Variants in LMX1B observed in about 807,000 individuals in gnomAD.
LMX1B encodes LIM homeobox transcription factor 1 beta, also known as LIM homeobox transcription factor 1-beta.
In LMX1B, 12 loss-of-function variants were observed where a neutral mutation model predicts 51.4. The observed-to-expected ratio is 0.23, with a 90% confidence interval of 0.15 to 0.38. The LOEUF is 0.38. Among genes scored for constraint, LMX1B ranks in the 10% least tolerant of loss-of-function variants. The probability of loss-of-function intolerance (pLI) is 1.00; values close to 1 mark genes in which losing one functional copy is unlikely to be tolerated. For missense variants in LMX1B, 445 were observed against 571.1 expected (o/e 0.78, Z 2.25); for synonymous variants, 237 against 235.4 (o/e 1.01, Z -0.06).
rs1306156374 is a variant in LMX1B, at chr9:126,615,054, T to G, written c.140-329T>G. 6.6e-6 allele frequency among the ~76,000 whole-genome samples: 1 copy of G among 151,624 alleles called. No individual in the cohort carries two copies. The highest frequency in any genetic ancestry group is 1.5e-5 in the Non-Finnish European group (1 of 67,886). On this transcript the variant is annotated intron_variant, in intron 1 of 7. Coordinates refer to ENST00000373474, the MANE Select transcript of LMX1B (RefSeq NM_001174147.2). This position sits in a 1 kb window ranked among gnomAD's most constrained non-coding sequence, Gnocchi z 6.0. ...AGCCAGCGAGCGCCCCAGCCTCACC[T>G]CGCCTGTCTTGGTCCCAGCCGGCCA...
rs140215181 is a variant in LMX1B, at chr9:126,658,861, C to A, written c.327-31975C>A. Among the ~76,000 whole-genome samples, 4 of 152,284 alleles carry A rather than the reference C, an allele frequency of 2.6e-5. No homozygotes were observed. Among genetic ancestry groups the A allele is most frequent in the Non-Finnish European group, 5.9e-5 (4 of 68,010 alleles). ...CCTTGCCTGTATCAGGCCTGGTTTG[C>A]TGTGGAGAGAAGGAGGACTTCCTGG... On this transcript the variant is annotated intron_variant, in intron 2 of 7. Transcript: ENST00000373474. This position sits in a 1 kb window ranked among gnomAD's most constrained non-coding sequence, Gnocchi z 4.0.
intron 2 of LMX1B, among the ~76,000 whole-genome samples, chr9:126,652,304 G>GGT (rs1554724864): frequency 1.3e-5 from 2 of 148,824 alleles, no homozygotes; most frequent in African/African-American, 4.9e-5. Context: ...GAAGGGGGGG[G>GGT]GGATTTTCTC....
At chr9:126,654,912 C>A (rs1248364251) in intron 2 of LMX1B, among the ~76,000 whole-genome samples, 1 of 152,214 alleles carries the variant, frequency 6.6e-6, no homozygotes, top group South Asian at 2.1e-4. Context: ...TGGACCTGGG[C>A]TCCCAGCCCC....
rs375257159 is a variant in LMX1B, at chr9:126,651,647, G to A, written c.326+36078G>A. ...GCCTGACCCCTCTCCCCTGGGCCCC[G>A]CTCCTCTCCTGAGGCCGACTCAGTT... On this transcript the variant is annotated intron_variant, in intron 2 of 7. Coordinates refer to ENST00000373474, the MANE Select transcript of LMX1B (RefSeq NM_001174147.2). Among the ~76,000 whole-genome samples the A allele has an allele frequency of 7.6e-4, 115 of 152,178 alleles. 1 individual carries two copies. The East Asian group carries it at 0.02, about 27-fold the overall frequency.
rs1352299200 is a variant in LMX1B at position 126,697,921 on chromosome 9, GC to G, written c.*1471del. The G allele has an allele frequency of 1.9e-5, 3 of 157,346 alleles. No homozygotes were observed. The highest frequency in any genetic ancestry group is 7.2e-5 in the African/African-American group (3 of 41,482). 9.7% of individuals were successfully genotyped at this position (157,346 alleles called of 1,614,324 possible). On this transcript the variant is annotated 3_prime_UTR_variant, in exon 8 of 8. Coordinates refer to ENST00000373474, the MANE Select transcript of LMX1B (RefSeq NM_001174147.2). ...ACGGAGTTTCGCTCTTGTTGCCCAG[GC>G]TGGAGTGCAATGGCGCGATCTCGGC...
In LMX1B at chr9:126,693,260, C is replaced by T. The variant is rs1371328129; in HGVS notation, c.678C>T (p.Leu226=). ...GGCCCAAGCGACCCCGGACCATCCTCACCACGCAGCAGCGAAGAGCCTTCA... is the reference window on the plus strand; with the variant it reads ...GGCCCAAGCGACCCCGGACCATCCTTACCACGCAGCAGCGAAGAGCCTTCA... ...PRRPKRPRTI[L]TTQQRRAFKA... is the part of the protein sequence containing the mutation. Residue 226 remains leucine, a synonymous_variant, in exon 4 of 8, where the codon CTC becomes CTT. Transcript: ENST00000373474. The T allele has an allele frequency of 1.9e-6, 3 of 1,611,778 alleles. No individual in the cohort carries two copies. Among genetic ancestry groups the T allele is most frequent in the East Asian group, 2.2e-5 (1 of 44,794 alleles).
intron 2 of LMX1B, among the ~76,000 whole-genome samples, chr9:126,624,240 CTT>C (rs1461435574): frequency 6.6e-6 from 1 of 152,220 alleles, no homozygotes; most frequent in Non-Finnish European, 1.5e-5. Context: ...CGGGGGCTCT[CTT>C]GGGCTGGGGT....
chr9:126,690,977 C>G lies in LMX1B; in HGVS notation c.468C>G (p.Phe156Leu). ...GGCAGCTACGCAAGGGCGACGAATT[C>G]GTGCTCAAGGAGGGCCAGCTGCTGT... ...CERQLRKGDE[F>L]VLKEGQLLCK... is the part of the protein sequence containing the mutation. Residue 156 changes from phenylalanine (F) to leucine (L), a missense_variant, in exon 3 of 8, where the codon TTC (phenylalanine) becomes TTG (leucine). Physicochemically the swap from Phe to Leu is conservative, Grantham distance 22. Coordinates refer to ENST00000373474, the MANE Select transcript of LMX1B (RefSeq NM_001174147.2). 6.2e-7 allele frequency: 1 copy of G among 1,614,034 alleles called. No homozygotes were observed. Among genetic ancestry groups the G allele is most frequent in the South Asian group, 1.1e-5 (1 of 91,072 alleles).
At chr9:126,656,856 G>A (rs988861719) in intron 2 of LMX1B, among the ~76,000 whole-genome samples, 2 of 152,214 alleles carry the variant, frequency 1.3e-5, no homozygotes, top group African/African-American at 4.8e-5. Flanking sequence ...CCAGTCCATG[G>A]CCATCAAAAA....
At chr9:126,619,654 A>C (rs1238419967) in intron 2 of LMX1B, among the ~76,000 whole-genome samples, 4 of 152,106 alleles carry the variant, frequency 2.6e-5, no homozygotes, top group Non-Finnish European at 5.9e-5. Flanking sequence ...CTCTCCATTT[A>C]ACCCCGGCAC....
At chr9:126,668,935 G>A (rs1771697095) in intron 2 of LMX1B, among the ~76,000 whole-genome samples, 1 of 152,200 alleles carries the variant, frequency 6.6e-6, no homozygotes, top group Admixed American at 6.5e-5. Context: ...AAAGCATGCC[G>A]CACTTGCCCT....
intron 2 of LMX1B, among the ~76,000 whole-genome samples, chr9:126,636,576 G>C (rs1021312671): frequency 2.1e-4 from 32 of 152,104 alleles, no homozygotes; most frequent in Non-Finnish European, 1.5e-4. Flanking sequence ...ATTGCAAGGG[G>C]AGGTGGGGGG....
At chr9:126,630,002 T>C (rs558125774) in intron 2 of LMX1B, among the ~76,000 whole-genome samples, 3 of 151,970 alleles carry the variant, frequency 2.0e-5, no homozygotes, top group Non-Finnish European at 2.9e-5. Context: ...AAAAATTAGC[T>C]GGGCGTCATG....
At chr9:126,636,692 C>T (rs879524058) in intron 2 of LMX1B, among the ~76,000 whole-genome samples, 3 of 152,084 alleles carry the variant, frequency 2.0e-5, no homozygotes, top group Non-Finnish European at 2.9e-5. Flanking sequence ...TACACGTGTG[C>T]GTAGGTGTGT....
intron 2 of LMX1B, among the ~76,000 whole-genome samples, chr9:126,650,589 G>T (rs776039850): frequency 6.6e-6 from 1 of 152,226 alleles, no homozygotes; most frequent in East Asian, 1.9e-4. Context: ...TAATGACACC[G>T]GAGGGCAGCG....
At chr9:126,639,465 C>G (rs565634266) in intron 2 of LMX1B, among the ~76,000 whole-genome samples, 2 of 152,366 alleles carry the variant, frequency 1.3e-5, no homozygotes, top group East Asian at 3.9e-4. Context: ...CCACTGGGCT[C>G]GGGCTGGAGG....
At chr9:126,659,827 C>T (rs1836193266) in intron 2 of LMX1B, among the ~76,000 whole-genome samples, 1 of 151,736 alleles carries the variant, frequency 6.6e-6, no homozygotes, top group Non-Finnish European at 1.5e-5. Flanking sequence ...TCTACACAGG[C>T]CTTGGAGATT....
In LMX1B at chr9:126,695,604, G is replaced by A. The variant is rs1431495341; in HGVS notation, c.887-235G>A. 1.3e-5 allele frequency among the ~76,000 whole-genome samples: 2 copies of A among 152,182 alleles called. No homozygotes were observed. Among genetic ancestry groups the A allele is most frequent in the Non-Finnish European group, 1.5e-5 (1 of 68,026 alleles). On this transcript the variant is annotated intron_variant, in intron 6 of 7. Transcript: ENST00000373474. The surrounding 1 kb of genome is among the most constrained non-coding windows in gnomAD (Gnocchi z 5.2). Reference sequence around the variant, plus strand: ...GCCTCCCTGGATCCCCTGGAGGGGCGGGGTGGTGGGAGGAAAGAAGATGAG... The same window carrying A: ...GCCTCCCTGGATCCCCTGGAGGGGCAGGGTGGTGGGAGGAAAGAAGATGAG...
rs183859197 is a variant in LMX1B, at chr9:126,623,850, G to A, written c.326+8281G>A. ...TCCCCTGGGCGGGAGAGCTTCCTTC[G>A]ACGTCCGGACACGCGGATGGGGCGG... On this transcript the variant is annotated intron_variant, in intron 2 of 7. Transcript: ENST00000373474. Among the ~76,000 whole-genome samples, 523 of 152,258 alleles carry A rather than the reference G, an allele frequency of 3.4e-3. 7 individuals are homozygous for A. The highest frequency in any genetic ancestry group is 3.7e-3 in the East Asian group (19 of 5,144).
Sources: allele counts gnomAD v4.1 joint callset (sites outside exome capture counted in the v4.1 genomes callset), GRCh38; gene constraint gnomAD v4.1.1; non-coding constraint Gnocchi (gnomAD v3.1); transcripts MANE v1.5; gene names NCBI Gene and HGNC (gene_info 2026-07-23, HGNC 2026-07-21).